Variants in TRPC3 observed in about 807,000 individuals in gnomAD.
The protein encoded by TRPC3 is transient receptor potential cation channel subfamily C member 3, also known as short transient receptor potential channel 3.
A neutral mutation model predicts 90.9 loss-of-function variants in TRPC3; 54 were observed. The observed-to-expected ratio is 0.59, with a 90% CI of 0.48 to 0.75. The LOEUF (loss-of-function observed/expected upper bound fraction) is 0.75, where lower values mean the gene tolerates loss of function less well. Ranked by LOEUF, TRPC3 falls within the 30% of genes least tolerant of loss-of-function variation. TRPC3 has a pLI of 0.00. For missense variants in TRPC3, 918 were observed against 1,194.5 expected (o/e 0.77, Z 3.41); for synonymous variants, 424 against 450.9 (o/e 0.94, Z 0.75).
rs148746851 is a variant in TRPC3 at position 121,920,351 on chromosome 4, G to A, written c.1176+4667C>T. Among the ~76,000 whole-genome samples, 1,037 of 151,778 alleles carry A rather than the reference G, an allele frequency of 6.8e-3. 6 individuals are homozygous for A. The highest frequency in any genetic ancestry group is 0.014 in the Middle Eastern group (4 of 294). ...AGCCTGGCCAACATGGTAAAACCCC[G>A]TCTCTACTAAAAAAACAAAAAATTA... On this transcript the variant is annotated intron_variant, in intron 3 of 11. Transcript: ENST00000379645.
In TRPC3 at chr4:121,878,015, A is replaced by G. The variant is rs1727816595; in HGVS notation, c.*1721T>C. On this transcript the variant is annotated 3_prime_UTR_variant, in exon 12 of 12. Coordinates refer to ENST00000379645, the MANE Select transcript of TRPC3 (RefSeq NM_001130698.2). ...CACTTGGAATCCTGGACCATACTAT[A>G]AAACTATCAGAAACATCTATTATAG... Among the ~76,000 whole-genome samples the G allele has an allele frequency of 6.6e-6, 1 of 152,234 alleles. No individual in the cohort carries two copies. The highest frequency in any genetic ancestry group is 1.5e-5 in the Non-Finnish European group (1 of 68,030).
At chr4:121,938,082 C>G (rs983548809) in intron 1 of TRPC3, among the ~76,000 whole-genome samples, 1 of 151,498 alleles carries the variant, frequency 6.6e-6, no homozygotes, top group Non-Finnish European at 1.5e-5. Context: ...CTACTGTACA[C>G]GTTCATAGAT....
At chr4:121,886,639 CAG>C (rs1289669069) in intron 10 of TRPC3, among the ~76,000 whole-genome samples, 1 of 152,168 alleles carries the variant, frequency 6.6e-6, no homozygotes, top group East Asian at 1.9e-4. Context: ...TTTGGGGTAA[CAG>C]AGAATAAATT....
chr4:121,914,987 G>A, intron 3 of TRPC3, 43 bp from the exon 4 acceptor site: 1 of 1,530,360 alleles, frequency 6.5e-7, no homozygotes. Flanking sequence ...AGAAAGGTAA[G>A]TTACCATACC....
intron 5 of TRPC3, 128 bp downstream of exon 5, chr4:121,911,749 A>G: frequency 1.0e-6 from 1 of 964,282 alleles, no homozygotes; most frequent in Non-Finnish European, 1.5e-6. Flanking sequence ...TTTGCTATTT[A>G]GCTTATCTTG....
Position 121,879,774 on chromosome 4 carries a change from T to C in TRPC3, c.2728A>G (p.Ser910Gly), listed in dbSNP as rs375175884. 6 of 1,609,540 alleles carry C rather than the reference T, an allele frequency of 3.7e-6. No individual in the cohort carries two copies. In the East Asian group the frequency reaches 9.0e-5, roughly 24 times the overall value. The change falls in exon 12 of 12, where the codon AGT (serine) becomes GGT (glycine). Residue 910 changes from serine (S) to glycine (G), a missense_variant. Coordinates refer to ENST00000379645, the MANE Select transcript of TRPC3 (RefSeq NM_001130698.2). ...EELAILIHKL[S>G]EKLNPSMLRC... Reference sequence around the variant, plus strand: ...AGCATGCTGGGATTCAGTTTCTCACTAAGTTTATGAATTAGAATGGCTAAT... The same window carrying C: ...AGCATGCTGGGATTCAGTTTCTCACCAAGTTTATGAATTAGAATGGCTAAT...
At chr4:121,915,220 TCA>T (rs1027936697) in intron 3 of TRPC3, among the ~76,000 whole-genome samples, 2 of 152,224 alleles carry the variant, frequency 1.3e-5, no homozygotes, top group African/African-American at 4.8e-5. Flanking sequence ...CCTCCATGAT[TCA>T]CAGATTTCTC....
At chr4:121,911,587 T>A (rs1459411585) in intron 5 of TRPC3, among the ~76,000 whole-genome samples, 1 of 152,198 alleles carries the variant, frequency 6.6e-6, no homozygotes, top group African/African-American at 2.4e-5. Context: ...CACAGTGAGT[T>A]ACATTTTAAA....
At position 121,879,350 on chromosome 4, in the gene TRPC3, T is replaced by C. The variant is rs1158784732; in HGVS notation, c.*386A>G. The stretch of plus-strand genomic sequence containing the variant: ...TTGGTTTCAACATTTATTGAGCACC[T>C]ACTATATACCAGGCACTGTACTAGA... On this transcript the variant is annotated 3_prime_UTR_variant, in exon 12 of 12. Coordinates refer to ENST00000379645, the MANE Select transcript of TRPC3 (RefSeq NM_001130698.2). The C allele has an allele frequency of 6.3e-6, 1 of 159,028 alleles. No homozygotes were observed. Among genetic ancestry groups the C allele is most frequent in the East Asian group, 1.9e-4 (1 of 5,318 alleles). 9.9% of individuals were successfully genotyped at this position (159,028 alleles called of 1,614,324 possible). A position where few individuals can be genotyped will look rare whatever the true frequency, so the allele number is the denominator to read the frequency against.
At chr4:121,901,599 T>C (rs144912492) in intron 9 of TRPC3, among the ~76,000 whole-genome samples, 13 of 152,330 alleles carry the variant, frequency 8.5e-5, no homozygotes, top group African/African-American at 3.1e-4. Flanking sequence ...AAGCACTTTG[T>C]AAACTGTGAA....
At chr4:121,919,139 GA>G (rs1371111133) in intron 3 of TRPC3, among the ~76,000 whole-genome samples, 1 of 152,194 alleles carries the variant, frequency 6.6e-6, no homozygotes, top group East Asian at 1.9e-4. Context: ...GAGAACAACT[GA>G]AATGTTTTTT....
At chr4:121,914,715 T>C in intron 4 of TRPC3, 65 bp downstream of exon 4, 1 of 1,415,640 alleles carries the variant, frequency 7.1e-7, no homozygotes, top group Non-Finnish European at 9.4e-7. Flanking sequence ...TGAAGCTTTT[T>C]ATTTTTTTAT....
At chr4:121,908,859 A>C (rs1002234846) in intron 6 of TRPC3, among the ~76,000 whole-genome samples, 9 of 152,078 alleles carry the variant, frequency 5.9e-5, no homozygotes, top group Non-Finnish European at 1.3e-4. Flanking sequence ...GTGCCCTCTG[A>C]ATCTAAAAAA....
At chr4:121,900,148 A>G (rs1424008519) in intron 9 of TRPC3, among the ~76,000 whole-genome samples, 1 of 152,222 alleles carries the variant, frequency 6.6e-6, no homozygotes, top group Non-Finnish European at 1.5e-5. Flanking sequence ...ATATTAGCCA[A>G]AATAACACAT....
intron 1 of TRPC3, among the ~76,000 whole-genome samples, chr4:121,940,485 C>A (rs1274297241): frequency 1.3e-5 from 2 of 152,136 alleles, no homozygotes; most frequent in Non-Finnish European, 2.9e-5. Flanking sequence ...TTTCTTGACC[C>A]TTTTACACCT....
chr4:121,937,704 C>T (rs913657590), intron 1 of TRPC3, among the ~76,000 whole-genome samples: 1 of 152,140 alleles, frequency 6.6e-6, no homozygotes, highest in Non-Finnish European at 1.5e-5. Context: ...AATCAAGAAG[C>T]CTCTCTCTTC....
chr4:121,949,855 C>T (rs1215650629), intron 1 of TRPC3, among the ~76,000 whole-genome samples: 1 of 152,134 alleles, frequency 6.6e-6, no homozygotes, highest in Admixed American at 6.5e-5. Context: ...GTGTAATTGA[C>T]CTCAAATTTC....
At chr4:121,950,608 T>G (rs1032081648) in intron 1 of TRPC3, 21 of 152,318 alleles carry the variant, frequency 1.4e-4, no homozygotes, top group African/African-American at 4.6e-4. Context: ...TCTCCAAGAT[T>G]GGAAATTAAG....
At chr4:121,926,015 T>C (rs1207168487) in intron 2 of TRPC3, among the ~76,000 whole-genome samples, 1 of 152,204 alleles carries the variant, frequency 6.6e-6, no homozygotes, top group Admixed American at 6.5e-5. Context: ...AGATCAACTA[T>C]ATGTGATATG....
Sources: gnomAD v4.1 joint callset for allele counts (sites outside exome capture counted in the v4.1 genomes callset) on GRCh38, gnomAD v4.1.1 for gene constraint, MANE v1.5 for transcripts, NCBI Gene and HGNC (gene_info 2026-07-23, HGNC 2026-07-21) for gene names.